The following CADPS2 variants were observed in gnomAD, a reference collection of about 807,000 sequenced individuals.
CADPS2 encodes the protein calcium dependent secretion activator 2, also known as calcium-dependent secretion activator 2.
CADPS2 carries 93 observed loss-of-function variants against 172.5 expected under a neutral mutation model. The observed-to-expected ratio is 0.54, with a 90% CI of 0.46 to 0.64. The LOEUF (loss-of-function observed/expected upper bound fraction) is 0.64, where lower values mean the gene tolerates loss of function less well. CADPS2 is among the 30% of genes least tolerant of loss of function. The pLI, the probability that CADPS2 is intolerant of heterozygous loss-of-function variation, is 0.00. For synonymous variants in CADPS2, 546 were observed against 555.2 expected (o/e 0.98, Z 0.23); for missense variants, 1,420 against 1,565.9 (o/e 0.91, Z 1.57).
intron 1 of CADPS2, among the ~76,000 whole-genome samples, chr7:122,837,886 T>C (rs1356110414): frequency 6.6e-6 from 1 of 152,184 alleles, no homozygotes; most frequent in East Asian, 1.9e-4. Flanking sequence ...CTGAAACTAT[T>C]CCAATCAACA....
At chr7:122,693,311 G>A (rs2084639025) in intron 2 of CADPS2, among the ~76,000 whole-genome samples, 4 of 151,994 alleles carry the variant, frequency 2.6e-5, no homozygotes, top group Admixed American at 1.3e-4. Context: ...CCTTCATATC[G>A]CCACAAGCCT....
chr7:122,742,289 G>T (rs1191696104), intron 1 of CADPS2, among the ~76,000 whole-genome samples: 2 of 151,994 alleles, frequency 1.3e-5, no homozygotes, highest in Non-Finnish European at 2.9e-5. Flanking sequence ...CAGATACTTG[G>T]GAGGCTGAGG....
At chr7:122,705,012 C>G (rs1384825725) in intron 2 of CADPS2, among the ~76,000 whole-genome samples, 2 of 151,838 alleles carry the variant, frequency 1.3e-5, no homozygotes. Flanking sequence ...GAGAAGCATC[C>G]CAAAACTCTC....
At chr7:122,653,433 T>A (rs1563971269) in intron 3 of CADPS2, among the ~76,000 whole-genome samples, 1 of 152,226 alleles carries the variant, frequency 6.6e-6, no homozygotes, top group Non-Finnish European at 1.5e-5. Context: ...GCTCTTCTAT[T>A]TCTCTTCTCA....
At chr7:122,601,776 A>G (rs1428881371) in intron 6 of CADPS2, among the ~76,000 whole-genome samples, 6 of 152,164 alleles carry the variant, frequency 3.9e-5, no homozygotes, top group Admixed American at 2.6e-4. Context: ...GTTATCATCC[A>G]GGTCGCAGAG....
intron 1 of CADPS2, among the ~76,000 whole-genome samples, chr7:122,862,749 C>T (rs1817279852): frequency 6.6e-6 from 1 of 151,650 alleles, no homozygotes; most frequent in Non-Finnish European, 1.5e-5. Context: ...AAAAGAATAA[C>T]CCTTTTTGCT....
At chr7:122,356,334 C>T (rs2039401904) in intron 27 of CADPS2, among the ~76,000 whole-genome samples, 1 of 152,072 alleles carries the variant, frequency 6.6e-6, no homozygotes, top group African/African-American at 2.4e-5. Flanking sequence ...ACTGCAGTTA[C>T]AAGATTTTTA....
At chr7:122,715,503 T>C (rs1206479011) in intron 2 of CADPS2, among the ~76,000 whole-genome samples, 1 of 152,150 alleles carries the variant, frequency 6.6e-6, no homozygotes, top group African/African-American at 2.4e-5. Context: ...TTATTCTGCC[T>C]ATGCCTTAAA....
intron 1 of CADPS2, among the ~76,000 whole-genome samples, chr7:122,788,548 C>T (rs1157675253): frequency 1.3e-5 from 2 of 152,146 alleles, no homozygotes; most frequent in East Asian, 1.9e-4. Context: ...CACTTAAACT[C>T]CGCCCTTCTC....
chr7:122,826,387 C>T (rs1267463553), intron 1 of CADPS2, among the ~76,000 whole-genome samples: 4 of 152,038 alleles, frequency 2.6e-5, no homozygotes, highest in Non-Finnish European at 1.5e-5. Flanking sequence ...TAACATAATA[C>T]AAAAATAGCT....
At chr7:122,539,386 C>T (rs1460849842) in intron 8 of CADPS2, among the ~76,000 whole-genome samples, 1 of 152,016 alleles carries the variant, frequency 6.6e-6, no homozygotes, top group Non-Finnish European at 1.5e-5. Flanking sequence ...TAAAACTGAG[C>T]TAAATAAATT....
chr7:122,344,244 C>T (rs1344089492), intron 28 of CADPS2, among the ~76,000 whole-genome samples: 1 of 152,144 alleles, frequency 6.6e-6, no homozygotes, highest in East Asian at 1.9e-4. Context: ...GCCAGAAAAG[C>T]ATTTCTAAAA....
chr7:122,416,170 T>A lies in CADPS2; in HGVS notation c.2477-6A>T. ...AGATGCCTGGTTCATGGTCTCTATATGAAAAAAAATCATAATCATGTTACC... is the reference window on the plus strand; with the variant it reads ...AGATGCCTGGTTCATGGTCTCTATAAGAAAAAAAATCATAATCATGTTACC... On this transcript the variant is annotated splice_polypyrimidine_tract_variant and splice_region_variant and intron_variant, in intron 17 of 29. Coordinates refer to ENST00000449022, the MANE Select transcript of CADPS2 (RefSeq NM_017954.11). 3 of 1,491,754 alleles carry A rather than the reference T, an allele frequency of 2.0e-6. No homozygotes were observed. The highest frequency in any genetic ancestry group is 2.7e-6 in the Non-Finnish European group (3 of 1,101,742). The allele number at this position is 1,491,754 out of a possible 1,614,324, so 92.4% of individuals were successfully genotyped here. A position where few individuals can be genotyped will look rare whatever the true frequency, so the allele number is the denominator to read the frequency against.
Position 122,663,311 on chromosome 7 carries a change from G to T in CADPS2, c.712C>A (p.Gln238Lys). ...AVSELILSKEQLYEMFQQILG... is the reference protein window; with the variant it reads ...AVSELILSKEKLYEMFQQILG... ...ATCTGCTGAAACATTTCATAGAGTT[G>T]TTCCTTGCTCAGAATAAGTTCAGAC... Residue 238 changes from glutamine to lysine, a missense_variant, in exon 3 of 30, where the codon CAA becomes AAA. Coordinates refer to ENST00000449022, the MANE Select transcript of CADPS2 (RefSeq NM_017954.11). 1 of 1,613,874 alleles carries T rather than the reference G, an allele frequency of 6.2e-7. No homozygotes were observed. Among genetic ancestry groups the T allele is most frequent in the Non-Finnish European group, 8.5e-7 (1 of 1,179,854 alleles).
At chr7:122,739,575 A>G (rs1212475810) in intron 1 of CADPS2, among the ~76,000 whole-genome samples, 1 of 152,196 alleles carries the variant, frequency 6.6e-6, no homozygotes, top group Non-Finnish European at 1.5e-5. Flanking sequence ...AATAAGCCAG[A>G]GTCACCTGGC....
intron 1 of CADPS2, among the ~76,000 whole-genome samples, chr7:122,788,166 T>G (rs1452081455): frequency 6.6e-6 from 1 of 152,158 alleles, no homozygotes; most frequent in African/African-American, 2.4e-5. Flanking sequence ...TCAAGGACAT[T>G]CTGCTACTAT....
At chr7:122,808,339 G>C (rs4607548) in intron 1 of CADPS2, among the ~76,000 whole-genome samples, 32,729 of 152,102 alleles carry the variant, frequency 0.22, 3,768 homozygotes, top group Middle Eastern at 0.32. Flanking sequence ...AATTAAGAAA[G>C]TAAAATGTGG....
At chr7:122,813,531 G>A (rs865909257) in intron 1 of CADPS2, among the ~76,000 whole-genome samples, 4 of 152,000 alleles carry the variant, frequency 2.6e-5, no homozygotes, top group Non-Finnish European at 4.4e-5. Context: ...ACTGTCACTC[G>A]TAAATTACCT....
chr7:122,365,583 A>C (rs2040744577), intron 25 of CADPS2, among the ~76,000 whole-genome samples: 1 of 152,158 alleles, frequency 6.6e-6, no homozygotes, highest in African/African-American at 2.4e-5. Context: ...CTTTCTCTGT[A>C]CAGCTCAGGG....
Sources: allele counts gnomAD v4.1 joint callset (sites outside exome capture counted in the v4.1 genomes callset), GRCh38; gene constraint gnomAD v4.1.1; transcripts MANE v1.5; gene names NCBI Gene and HGNC (gene_info 2026-07-23, HGNC 2026-07-21).